Variants in COMT observed in about 807,000 individuals in gnomAD.
The protein encoded by COMT is catechol O-methyltransferase.
COMT carries 13 observed loss-of-function variants against 18.9 expected under a neutral mutation model. That is an observed-to-expected ratio of 0.69 (90% CI 0.45 to 1.09). COMT has a LOEUF of 1.09. COMT is among the 50% of genes least tolerant of loss of function. The probability of loss-of-function intolerance (pLI) is 0.00; values close to 1 mark genes in which losing one functional copy is unlikely to be tolerated. For synonymous variants in COMT, 150 were observed against 160.9 expected (o/e 0.93, Z 0.51); for missense variants, 329 against 361.8 (o/e 0.91, Z 0.73).
chr22:19,967,905 T>C (rs1601544219), intron 5 of COMT, among the ~76,000 whole-genome samples: 1 of 152,256 alleles, frequency 6.6e-6, no homozygotes, highest in Non-Finnish European at 1.5e-5. Context: ...CCACGGGCCA[T>C]GCCCTATGGC....
chr22:19,941,909 G>A lies in COMT; in HGVS notation c.-92+12G>A. 2 of 1,214,882 alleles carry A rather than the reference G, an allele frequency of 1.6e-6. No homozygotes were observed. Among genetic ancestry groups the A allele is most frequent in the Non-Finnish European group, 2.1e-6 (2 of 937,464 alleles). 75.3% of individuals were successfully genotyped at this position (1,214,882 alleles called of 1,614,324 possible). On this transcript the variant is annotated intron_variant, in intron 1 of 5. Coordinates refer to ENST00000361682, the MANE Select transcript of COMT (RefSeq NM_000754.4). ...CCGTCGCGGGAGAGGTGAGAGCGCTGGCTAGACCGGGGCCGAATGCGGCCG... is the reference window on the plus strand; with the variant it reads ...CCGTCGCGGGAGAGGTGAGAGCGCTAGCTAGACCGGGGCCGAATGCGGCCG...
intron 1 of COMT, among the ~76,000 whole-genome samples, chr22:19,942,407 T>C (rs1941751703): frequency 6.6e-6 from 1 of 151,692 alleles, no homozygotes; most frequent in South Asian, 2.1e-4. Context: ...AGGCTCCCTG[T>C]TGGAGGCCTT....
intron 5 of COMT, chr22:19,966,980 C>T: frequency 2.0e-6 from 2 of 985,422 alleles, no homozygotes; most frequent in Non-Finnish European, 2.4e-6. Flanking sequence ...GCATGTTTAG[C>T]CAGTTCTCCA....
chr22:19,952,405 C>T lies in COMT; in HGVS notation c.-91-8794C>T, dbSNP rs548598033. Among the ~76,000 whole-genome samples the T allele has an allele frequency of 2.6e-5, 4 of 152,154 alleles. No homozygotes were observed. The South Asian group carries it at 8.3e-4, about 32-fold the overall frequency. On this transcript the variant is annotated intron_variant, in intron 1 of 5. Coordinates refer to ENST00000361682, the MANE Select transcript of COMT (RefSeq NM_000754.4). ...CTGTAATCCCAGCACTTTGGGAGGCCAAGGCGGGCGGATCATGAGGTCAGG... is the reference window on the plus strand; with the variant it reads ...CTGTAATCCCAGCACTTTGGGAGGCTAAGGCGGGCGGATCATGAGGTCAGG...
chr22:19,962,243 G>A (rs1942208989), intron 2 of COMT: 5 of 533,010 alleles, frequency 9.4e-6, no homozygotes, highest in Admixed American at 6.3e-5. Context: ...AGGATCCCTG[G>A]GCTGCCTGGG....
At chr22:19,955,721 T>C (rs1942042858) in intron 1 of COMT, among the ~76,000 whole-genome samples, 1 of 152,228 alleles carries the variant, frequency 6.6e-6, no homozygotes, top group African/African-American at 2.4e-5. Flanking sequence ...ATGAGGCACG[T>C]CCAAGCCACA....
At chr22:19,945,671 T>C (rs1056705532) in intron 1 of COMT, among the ~76,000 whole-genome samples, 2 of 152,186 alleles carry the variant, frequency 1.3e-5, no homozygotes, top group African/African-American at 4.8e-5. Flanking sequence ...GTTTCTTTCT[T>C]TTTTTCTTTT....
Position 19,969,964 on chromosome 22 carries a change from G to A in COMT, c.*1228G>A. ...GGTGTTTACCAATAGTCTTATTTTG[G>A]CTTATTTTTAATGCTTTTTCTCAGT... On this transcript the variant is annotated 3_prime_UTR_variant, in exon 6 of 6. Transcript: ENST00000361682. 2 of 985,602 alleles carry A rather than the reference G, an allele frequency of 2.0e-6. No individual in the cohort carries two copies. Among genetic ancestry groups the A allele is most frequent in the Non-Finnish European group, 2.4e-6 (2 of 829,938 alleles). The allele number at this position is 985,602 out of a possible 1,614,324, so 61.1% of individuals were successfully genotyped here. A position where few individuals can be genotyped will look rare whatever the true frequency, so the allele number is the denominator to read the frequency against.
intron 1 of COMT, among the ~76,000 whole-genome samples, chr22:19,944,445 G>A (rs543355419): frequency 6.6e-5 from 10 of 152,158 alleles, no homozygotes; most frequent in Admixed American, 1.3e-4. Flanking sequence ...CGGGATAATC[G>A]CTTGAACTGG....
intron 1 of COMT, among the ~76,000 whole-genome samples, chr22:19,943,239 C>T (rs997561165): frequency 9.2e-5 from 14 of 152,154 alleles, no homozygotes; most frequent in African/African-American, 3.1e-4. Flanking sequence ...CAACAGTCCC[C>T]GTCCATTTTC....
At chr22:19,961,903 C>T (rs9332363) in intron 2 of COMT, 1 of 155,098 alleles carries the variant, frequency 6.4e-6, no homozygotes, top group Non-Finnish European at 1.4e-5. Flanking sequence ...CAGGGCTGGC[C>T]TTTCTCATCT....
rs538956501 is a variant in COMT at position 19,952,455 on chromosome 22, T to C, written c.-91-8744T>C. Among the ~76,000 whole-genome samples, 720 of 151,784 alleles carry C rather than the reference T, an allele frequency of 4.7e-3. 4 individuals are homozygous for C. Among genetic ancestry groups the C allele is most frequent in the Non-Finnish European group, 7.1e-3 (484 of 67,942 alleles). On this transcript the variant is annotated intron_variant, in intron 1 of 5. Coordinates refer to ENST00000361682, the MANE Select transcript of COMT (RefSeq NM_000754.4). ...GAGATCGAGACCATCCTGGCTAACATGGTGAAACCCCGTCTCTACCAAAAA... is the reference window on the plus strand; with the variant it reads ...GAGATCGAGACCATCCTGGCTAACACGGTGAAACCCCGTCTCTACCAAAAA...
At chr22:19,964,144 G>A (rs1053149857) in intron 4 of COMT, 24 bp from the exon 5 acceptor site, 1 of 1,613,942 alleles carries the variant, frequency 6.2e-7, no homozygotes, top group Non-Finnish European at 8.5e-7. Flanking sequence ...GTGAGGACGT[G>A]GGCACTGACA....
At chr22:19,966,755 T>C (rs1942420358) in intron 5 of COMT, among the ~76,000 whole-genome samples, 1 of 149,864 alleles carries the variant, frequency 6.7e-6, no homozygotes, top group African/African-American at 2.5e-5. Flanking sequence ...TTTTTGTTGT[T>C]GTTTCTCGAG....
intron 5 of COMT, 67 bp from the exon 6 acceptor site, chr22:19,968,469 C>A: frequency 1.3e-6 from 2 of 1,508,300 alleles, no homozygotes; most frequent in Non-Finnish European, 1.8e-6. Context: ...AGCACCCATC[C>A]TGGTTTGGGG....
At chr22:19,947,005 TC>T (rs1251874900) in intron 1 of COMT, among the ~76,000 whole-genome samples, 1 of 141,042 alleles carries the variant, frequency 7.1e-6, no homozygotes, top group Non-Finnish European at 1.5e-5. Flanking sequence ...AACCTCCGCC[TC>T]CTGGGCTCAA....
chr22:19,944,228 T>TC (rs954405419), intron 1 of COMT, among the ~76,000 whole-genome samples: 1 of 152,060 alleles, frequency 6.6e-6, no homozygotes, highest in African/African-American at 2.4e-5. Context: ...GCAGTGACAG[T>TC]CCAAGTGACA....
chr22:19,949,180 A>G (rs990407164), intron 1 of COMT, among the ~76,000 whole-genome samples: 2 of 152,092 alleles, frequency 1.3e-5, no homozygotes, highest in Admixed American at 6.6e-5. Flanking sequence ...TCTGTCACCC[A>G]GGATGGAGTG....
At chr22:19,959,621 G>A (rs555598433) in intron 1 of COMT, among the ~76,000 whole-genome samples, 1 of 152,366 alleles carries the variant, frequency 6.6e-6, no homozygotes, top group South Asian at 2.1e-4. Context: ...GTGGCCCGGG[G>A]CAGCCAGTCC....
Sources: allele counts gnomAD v4.1 joint callset (sites outside exome capture counted in the v4.1 genomes callset), GRCh38; gene constraint gnomAD v4.1.1; transcripts MANE v1.5; gene names NCBI Gene and HGNC (gene_info 2026-07-23, HGNC 2026-07-21).